SNTG1: variants seen among roughly 807,000 people sequenced by gnomAD.
SNTG1 encodes syntrophin gamma 1, also known as gamma-1-syntrophin.
SNTG1 carries 39 observed loss-of-function variants against 74.7 expected under a neutral mutation model. The ratio of observed to expected loss-of-function variants is 0.52; its 90% confidence interval spans 0.40 to 0.68. SNTG1 has a LOEUF of 0.68. SNTG1 is among the 30% of genes least tolerant of loss of function. SNTG1 has a pLI of 0.00. For synonymous variants in SNTG1, 254 were observed against 217.1 expected, an observed-to-expected ratio of 1.17 and a Z score of -1.49; for missense variants, 685 against 609.5, an observed-to-expected ratio of 1.12 and a Z score of -1.30.
At chr8:50,697,197 T>C (rs935003279) in intron 15 of SNTG1, among the ~76,000 whole-genome samples, 4 of 152,134 alleles carry the variant, frequency 2.6e-5, no homozygotes, top group Non-Finnish European at 4.4e-5. Context: ...TTTTGGAAGT[T>C]ATTATAAATA....
At chr8:50,258,167 T>C (rs1328486632) in intron 2 of SNTG1, among the ~76,000 whole-genome samples, 2 of 152,196 alleles carry the variant, frequency 1.3e-5, no homozygotes, top group Non-Finnish European at 2.9e-5. Flanking sequence ...GTTGCTACAA[T>C]ATATTATTTA....
intron 1 of SNTG1, among the ~76,000 whole-genome samples, chr8:50,097,879 C>G (rs1241764580): frequency 6.6e-6 from 1 of 152,084 alleles, no homozygotes; most frequent in Non-Finnish European, 1.5e-5. Flanking sequence ...GTATTTCATT[C>G]AAATTTGTTT....
At chr8:49,997,533 A>G (rs1814343040) in intron 1 of SNTG1, among the ~76,000 whole-genome samples, 1 of 152,052 alleles carries the variant, frequency 6.6e-6, no homozygotes, top group South Asian at 2.1e-4. Flanking sequence ...CACCTGGATC[A>G]CTGAAAATTT....
At position 50,795,571 on chromosome 8, in the gene SNTG1, GTC is replaced by G. The variant is rs1426099546; in HGVS notation, c.*2744_*2745del. 1 of 152,062 alleles carries G rather than the reference GTC, an allele frequency of 6.6e-6. No homozygotes were observed. The highest frequency in any genetic ancestry group is 2.4e-5 in the African/African-American group (1 of 41,430). 9.4% of individuals were successfully genotyped at this position (152,062 alleles called of 1,614,324 possible). ...AGCGTGTATGTGTGTTTGGGTGTGTGTCTGTGTATGTGTGTGAGTGTGTAAGT... is the reference window on the plus strand; with the variant it reads ...AGCGTGTATGTGTGTTTGGGTGTGTGTGTGTATGTGTGTGAGTGTGTAAGT... On this transcript the variant is annotated 3_prime_UTR_variant, in exon 19 of 19. Transcript: ENST00000642720.
intron 5 of SNTG1, among the ~76,000 whole-genome samples, chr8:50,443,263 T>A (rs991268068): frequency 6.6e-6 from 1 of 152,180 alleles, no homozygotes; most frequent in African/African-American, 2.4e-5. Context: ...ATTATACTTC[T>A]GTTCATTGTC....
At chr8:50,450,813 C>T in intron 8 of SNTG1, 84 bp downstream of exon 8, 2 of 1,318,774 alleles carry the variant, frequency 1.5e-6, no homozygotes, top group Non-Finnish European at 2.1e-6. Context: ...TCACTTCATT[C>T]ATTAGGCAGA....
At chr8:50,515,491 G>A (rs2094125266) in intron 9 of SNTG1, among the ~76,000 whole-genome samples, 1 of 143,926 alleles carries the variant, frequency 6.9e-6, no homozygotes, top group Admixed American at 7.3e-5. Context: ...AAGCCAAGGA[G>A]CCAAATGGTG....
At chr8:49,959,940 A>T (rs1249462522) in intron 1 of SNTG1, among the ~76,000 whole-genome samples, 2 of 152,186 alleles carry the variant, frequency 1.3e-5, no homozygotes, top group East Asian at 1.9e-4. Context: ...TGCTTTTGAG[A>T]TTTAAAAAAC....
chr8:50,745,005 G>C (rs770776765), intron 17 of SNTG1, among the ~76,000 whole-genome samples: 1 of 151,930 alleles, frequency 6.6e-6, no homozygotes, highest in Non-Finnish European at 1.5e-5. Flanking sequence ...TAATTTCTTT[G>C]CTATGACGCC....
chr8:50,008,861 G>T (rs766148634), intron 1 of SNTG1, among the ~76,000 whole-genome samples: 20 of 152,092 alleles, frequency 1.3e-4, no homozygotes, highest in Non-Finnish European at 2.6e-4. Context: ...GCTATATCTA[G>T]CTTGTTCATA....
intron 18 of SNTG1, among the ~76,000 whole-genome samples, chr8:50,761,176 G>A (rs10958099): frequency 0.22 from 33,450 of 151,892 alleles, 3,852 homozygotes; most frequent in South Asian, 0.33. Context: ...TATCCACCAC[G>A]ATCAAGTTGG....
intron 17 of SNTG1, among the ~76,000 whole-genome samples, chr8:50,731,379 G>A (rs991667376): frequency 1.3e-5 from 2 of 152,128 alleles, no homozygotes; most frequent in Middle Eastern, 3.4e-3. Flanking sequence ...AGACAAATTG[G>A]CATATTTTTT....
At chr8:50,282,686 A>T (rs1393092059) in intron 2 of SNTG1, among the ~76,000 whole-genome samples, 3 of 152,272 alleles carry the variant, frequency 2.0e-5, no homozygotes, top group African/African-American at 7.2e-5. Context: ...GAATCACTTG[A>T]ACCCAGGAGG....
chr8:50,350,041 T>C (rs1427473279), intron 2 of SNTG1, among the ~76,000 whole-genome samples: 2 of 152,124 alleles, frequency 1.3e-5, no homozygotes, highest in African/African-American at 2.4e-5. Context: ...GGCCGGGCAA[T>C]GAGGGGCTTA....
chr8:50,093,331 G>A (rs1190896948), intron 1 of SNTG1, among the ~76,000 whole-genome samples: 3 of 152,024 alleles, frequency 2.0e-5, no homozygotes, highest in East Asian at 1.9e-4. Flanking sequence ...CCATTAAAGT[G>A]TACAATTCAG....
intron 1 of SNTG1, among the ~76,000 whole-genome samples, chr8:49,967,344 A>G (rs1811235071): frequency 2.0e-5 from 3 of 152,314 alleles, no homozygotes; most frequent in South Asian, 4.1e-4. Flanking sequence ...GTTTTGTCAC[A>G]TGTGACACAG....
intron 15 of SNTG1, among the ~76,000 whole-genome samples, chr8:50,690,621 TATC>T (rs1373811382): frequency 6.6e-6 from 1 of 152,196 alleles, no homozygotes; most frequent in Non-Finnish European, 1.5e-5. Flanking sequence ...GACAGTTTGT[TATC>T]ATTTCTGGTC....
intron 8 of SNTG1, among the ~76,000 whole-genome samples, chr8:50,499,545 C>T (rs1247219007): frequency 1.3e-5 from 2 of 151,318 alleles, no homozygotes; most frequent in African/African-American, 4.8e-5. Context: ...ATTGTCCTGC[C>T]TAGTACCTTT....
At chr8:50,084,804 G>A (rs1403388829) in intron 1 of SNTG1, among the ~76,000 whole-genome samples, 1 of 152,220 alleles carries the variant, frequency 6.6e-6, no homozygotes, top group African/African-American at 2.4e-5. Context: ...GTGGGAGTGT[G>A]TTAGTTATTG....
Sources: allele counts gnomAD v4.1 joint callset (sites outside exome capture counted in the v4.1 genomes callset), GRCh38; gene constraint gnomAD v4.1.1; transcripts MANE v1.5; gene names NCBI Gene and HGNC (gene_info 2026-07-23, HGNC 2026-07-21).